The following LYZL1 variants were observed in gnomAD, a reference collection of about 807,000 sequenced individuals.
The protein encoded by LYZL1 is lysozyme like 1, also known as lysozyme-like protein 1.
Under a neutral mutation model 17.9 loss-of-function variants are expected in LYZL1, and 16 were observed. The observed-to-expected ratio is 0.90, with a 90% CI of 0.61 to 1.36. The LOEUF (loss-of-function observed/expected upper bound fraction) is 1.36, where lower values mean the gene tolerates loss of function less well. LYZL1 is among the 40% of genes most tolerant of loss of function. The pLI is 0.00. For missense variants in LYZL1, 149 were observed against 188.4 expected, an observed-to-expected ratio of 0.79 and a Z score of 1.22; for synonymous variants, 58 against 71.8, an observed-to-expected ratio of 0.81 and a Z score of 0.97.
intron 3 of LYZL1, among the ~76,000 whole-genome samples, chr10:29,304,492 C>G (rs567966697): frequency 6.6e-6 from 1 of 152,008 alleles, no homozygotes; most frequent in Admixed American, 6.6e-5. Context: ...GACACAGATA[C>G]TTTGAAGTAG....
At chr10:29,315,534 T>C (rs966355587), downstream of LYZL1, among the ~76,000 whole-genome samples, 12 of 151,284 alleles carry the variant, frequency 7.9e-5, no homozygotes, top group South Asian at 6.2e-4. Flanking sequence ...AATAAATAAA[T>C]AAATAAATAA....
At chr10:29,293,069 T>G (rs1751956) in intron 3 of LYZL1, among the ~76,000 whole-genome samples, 20,126 of 151,844 alleles carry the variant, frequency 0.13, 1,423 homozygotes, top group African/African-American at 0.15. Flanking sequence ...GAATACACTT[T>G]AGGTTTCTTT....
At chr10:29,312,672 C>A (rs1004241476), downstream of LYZL1, among the ~76,000 whole-genome samples, 1 of 152,092 alleles carries the variant, frequency 6.6e-6, no homozygotes, top group Non-Finnish European at 1.5e-5. Flanking sequence ...GACCCCAAAG[C>A]GATATTCCCA....
chr10:29,310,677 G>A (rs1037250082), intron 4 of LYZL1, among the ~76,000 whole-genome samples: 1 of 152,214 alleles, frequency 6.6e-6, no homozygotes, highest in East Asian at 1.9e-4. Flanking sequence ...ATTCGCTGCT[G>A]CTGTGTTCTG....
chr10:29,307,811 C>G (rs1218362151), intron 3 of LYZL1, among the ~76,000 whole-genome samples: 4 of 152,104 alleles, frequency 2.6e-5, no homozygotes, highest in Non-Finnish European at 4.4e-5. Flanking sequence ...ATTTGTCTAG[C>G]ATCATGACTG....
At chr10:29,290,667 C>T (rs1835350246) in intron 1 of LYZL1, among the ~76,000 whole-genome samples, 1 of 152,054 alleles carries the variant, frequency 6.6e-6, no homozygotes. Flanking sequence ...TGTGAAACCT[C>T]ATCTATACTA....
chr10:29,313,831 G>A (rs912597018), downstream of LYZL1, among the ~76,000 whole-genome samples: 7 of 152,164 alleles, frequency 4.6e-5, no homozygotes, highest in Non-Finnish European at 8.8e-5. Flanking sequence ...TTTACTCCTC[G>A]TGGCCACATT....
chr10:29,311,187 C>T lies in LYZL1; in HGVS notation c.*128C>T. ...TCAAACTTGGAGAGGGAAAATTAAGCTATACTTTTAAGAAAATAAATATTT... is the reference window on the plus strand; with the variant it reads ...TCAAACTTGGAGAGGGAAAATTAAGTTATACTTTTAAGAAAATAAATATTT... On this transcript the variant is annotated 3_prime_UTR_variant, in exon 5 of 5. Transcript: ENST00000649382. 6.3e-7 allele frequency: 1 copy of T among 1,596,192 alleles called. No homozygotes were observed. Among genetic ancestry groups the T allele is most frequent in the South Asian group, 1.1e-5 (1 of 88,808 alleles).
downstream of LYZL1, among the ~76,000 whole-genome samples, chr10:29,314,873 AG>A (rs532705899): frequency 2.8e-4 from 42 of 152,316 alleles, no homozygotes; most frequent in East Asian, 8.1e-3. Flanking sequence ...AGAATCCAAG[AG>A]GCCCCTGCTG....
At chr10:29,314,669 T>A (rs1835708719), downstream of LYZL1, among the ~76,000 whole-genome samples, 1 of 152,196 alleles carries the variant, frequency 6.6e-6, no homozygotes, top group South Asian at 2.1e-4. Flanking sequence ...TGGACACATG[T>A]GGAATCACAG....
intron 3 of LYZL1, among the ~76,000 whole-genome samples, chr10:29,306,826 G>GTT (rs1835602062): frequency 7.2e-6 from 1 of 138,970 alleles, no homozygotes; most frequent in Non-Finnish European, 1.5e-5. Flanking sequence ...GTGTGTGTGT[G>GTT]TGTGAAAGAG....
intron 3 of LYZL1, among the ~76,000 whole-genome samples, chr10:29,297,802 G>C (rs945092314): frequency 6.6e-5 from 10 of 152,048 alleles, no homozygotes; most frequent in African/African-American, 2.4e-4. Flanking sequence ...TACAATTTCG[G>C]AACATGATAG....
downstream of LYZL1, among the ~76,000 whole-genome samples, chr10:29,314,837 G>A (rs539751484): frequency 1.7e-3 from 256 of 152,124 alleles, no homozygotes; most frequent in African/African-American, 5.6e-3. Flanking sequence ...GGTAACTATC[G>A]CCCAGGGGCC....
chr10:29,311,575 CA>C (rs1354798182), downstream of LYZL1, among the ~76,000 whole-genome samples: 1 of 152,164 alleles, frequency 6.6e-6, no homozygotes, highest in Non-Finnish European at 1.5e-5. Context: ...AGAGATAGGG[CA>C]ACTGAGATTC....
At chr10:29,311,481 G>A (rs1835671873), downstream of LYZL1, among the ~76,000 whole-genome samples, 1 of 152,066 alleles carries the variant, frequency 6.6e-6, no homozygotes, top group South Asian at 2.1e-4. Flanking sequence ...ATCCCCTTAA[G>A]AGTACCCCAG....
At chr10:29,316,596 G>A (rs1835732625) in intron 3 of LYZL1, among the ~76,000 whole-genome samples, 1 of 151,206 alleles carries the variant, frequency 6.6e-6, no homozygotes. Flanking sequence ...TACATTCTTT[G>A]TAGAATAGAT....
In LYZL1 at chr10:29,293,130, TTTTC is replaced by T. The variant is rs756346200; in HGVS notation, c.298+457_298+460del. Among the ~76,000 whole-genome samples the T allele has an allele frequency of 2.6e-3, 315 of 121,296 alleles. 1 individual carries two copies. The highest frequency in any genetic ancestry group is 9.0e-3 in the African/African-American group (264 of 29,246). The allele number at this position is 121,296 out of a possible 152,430, so 79.6% of individuals were successfully genotyped here. A position where few individuals can be genotyped will look rare whatever the true frequency, so the allele number is the denominator to read the frequency against. The stretch of plus-strand genomic sequence containing the variant: ...TTCTTTTTTTTTCTTTTCTTTTCTT[TTTTC>T]TTTTTTTTTTTTTTTTGAGACAGGG... On this transcript the variant is annotated intron_variant, in intron 3 of 4. Coordinates refer to ENST00000649382, the MANE Select transcript of LYZL1 (RefSeq NM_032517.6).
chr10:29,308,534 T>C (rs1295484781), intron 3 of LYZL1, among the ~76,000 whole-genome samples: 4 of 152,250 alleles, frequency 2.6e-5, no homozygotes, highest in Admixed American at 2.0e-4. Context: ...ATTGGACTTT[T>C]ACATTTTATT....
chr10:29,292,116 C>T (rs1456995240), intron 2 of LYZL1, 110 bp downstream of exon 2: 1 of 1,407,412 alleles, frequency 7.1e-7, no homozygotes, highest in Non-Finnish European at 9.7e-7. Context: ...CTGCTCTGCC[C>T]TCACCGCACT....
Sources: allele counts gnomAD v4.1 joint callset (sites outside exome capture counted in the v4.1 genomes callset), GRCh38; gene constraint gnomAD v4.1.1; transcripts MANE v1.5; gene names NCBI Gene and HGNC (gene_info 2026-07-23, HGNC 2026-07-21).